The following RBM33 variants were observed in gnomAD, a reference collection of about 807,000 sequenced individuals.
The protein encoded by RBM33 is RNA-binding protein 33.
Under a neutral mutation model 132.6 loss-of-function variants are expected in RBM33, and 28 were observed. That is an observed-to-expected ratio of 0.21 (90% CI 0.16 to 0.29). RBM33 has a LOEUF of 0.29. RBM33 is among the 10% of genes least tolerant of loss of function. RBM33 has a pLI of 1.00. For missense variants in RBM33, 1,291 were observed against 1,518.5 expected (o/e 0.85, Z 2.49); for synonymous variants, 634 against 593.0 (o/e 1.07, Z -1.01).
At chr7:155,761,522 G>C (rs1370060559) in intron 14 of RBM33, among the ~76,000 whole-genome samples, 1 of 152,094 alleles carries the variant, frequency 6.6e-6, no homozygotes, top group Non-Finnish European at 1.5e-5. Context: ...GTCAGTTTTG[G>C]TACTTGTGTC....
intron 5 of RBM33, among the ~76,000 whole-genome samples, chr7:155,684,028 G>C (rs1563142748): frequency 6.6e-6 from 1 of 152,166 alleles, no homozygotes; most frequent in African/African-American, 2.4e-5. Context: ...TTGTTATTCT[G>C]ATAGGACGCT....
chr7:155,764,309 G>A (rs1032846664), intron 15 of RBM33, among the ~76,000 whole-genome samples: 4 of 150,322 alleles, frequency 2.7e-5, no homozygotes, highest in Admixed American at 1.3e-4. Flanking sequence ...CTGTGCTCTC[G>A]GGACAGCGCC....
chr7:155,711,225 C>T lies in RBM33; in HGVS notation c.971C>T (p.Pro324Leu). The change falls in exon 8 of 18, where the codon CCA becomes CTA. Residue 324 changes from proline to leucine, a missense_variant. Coordinates refer to ENST00000401878, the MANE Select transcript of RBM33 (RefSeq NM_053043.3). ...CAGCCCCAGGCTCCCCCTCCACCGC[C>T]ACCGCCGCCTCAGCAGCAGCCGATC... ...PVVPQAPPPP[P>L]PPPQQQPIRS... The T allele has an allele frequency of 6.3e-7, 1 of 1,583,392 alleles. No homozygotes were observed. The highest frequency in any genetic ancestry group is 8.6e-7 in the Non-Finnish European group (1 of 1,164,296).
intron 1 of RBM33, among the ~76,000 whole-genome samples, chr7:155,662,737 A>G (rs1798686394): frequency 6.6e-6 from 1 of 151,930 alleles, no homozygotes; most frequent in South Asian, 2.1e-4. Context: ...CATGAGTGGG[A>G]CCTGAGTGGA....
At chr7:155,720,748 T>C (rs1800598520) in intron 9 of RBM33, among the ~76,000 whole-genome samples, 1 of 152,128 alleles carries the variant, frequency 6.6e-6, no homozygotes, top group African/African-American at 2.4e-5. Flanking sequence ...CGTCTGGAGA[T>C]TTCTTATTGG....
Position 155,764,085 on chromosome 7 carries a change from T to C in RBM33, c.3186+67T>C, listed in dbSNP as rs1335264338. The C allele has an allele frequency of 2.4e-6, 3 of 1,258,096 alleles. No individual in the cohort carries two copies. In the Admixed American group the frequency reaches 8.5e-5, roughly 36 times the overall value. The allele number at this position is 1,258,096 out of a possible 1,614,324, so 77.9% of individuals were successfully genotyped here. Reference sequence around the variant, plus strand: ...GCCGGTGTGAGGCAGTGTTCAGACGTGCTCTAATTTGTAGCGCATGGCACA... The same window carrying C: ...GCCGGTGTGAGGCAGTGTTCAGACGCGCTCTAATTTGTAGCGCATGGCACA... On this transcript the variant is annotated intron_variant, in intron 15 of 17. Transcript: ENST00000401878.
intron 9 of RBM33, among the ~76,000 whole-genome samples, chr7:155,724,153 A>G (rs948546633): frequency 1.3e-5 from 2 of 151,766 alleles, no homozygotes; most frequent in Non-Finnish European, 2.9e-5. Context: ...TTTTCTTTTA[A>G]TATTTAATTT....
chr7:155,648,966 A>C (rs2116862627), intron 1 of RBM33, among the ~76,000 whole-genome samples: 1 of 152,322 alleles, frequency 6.6e-6, no homozygotes, highest in Non-Finnish European at 1.5e-5. Context: ...TAGTGTGATC[A>C]TAATGTGTTT....
chr7:155,692,177 A>T (rs1799663227), intron 5 of RBM33, among the ~76,000 whole-genome samples: 1 of 152,180 alleles, frequency 6.6e-6, no homozygotes, highest in Non-Finnish European at 1.5e-5. Context: ...CAAATGAACA[A>T]TAGGTGTATG....
chr7:155,723,694 G>A (rs933969476), intron 9 of RBM33, among the ~76,000 whole-genome samples: 7 of 152,178 alleles, frequency 4.6e-5, no homozygotes, highest in South Asian at 2.1e-4. Flanking sequence ...ATAGAGATAG[G>A]GCTGGGTTCA....
chr7:155,747,107 A>G (rs1585523077), intron 14 of RBM33, among the ~76,000 whole-genome samples: 2 of 152,208 alleles, frequency 1.3e-5, no homozygotes, highest in South Asian at 2.1e-4. Context: ...TAGAAGTTCC[A>G]TATGTAGACT....
intron 3 of RBM33, among the ~76,000 whole-genome samples, chr7:155,673,768 G>GCACACACC (rs1799067013): frequency 7.5e-6 from 1 of 132,962 alleles, no homozygotes. Flanking sequence ...GCGCATGCGC[G>GCACACACC]CACACACACA....
At chr7:155,673,798 ACAC>A (rs1799075497) in intron 3 of RBM33, among the ~76,000 whole-genome samples, 1 of 144,002 alleles carries the variant, frequency 6.9e-6, no homozygotes, top group African/African-American at 2.8e-5. Context: ...ACACACACAC[ACAC>A]CCCTACCAGT....
intron 9 of RBM33, among the ~76,000 whole-genome samples, chr7:155,734,402 G>A (rs1449335330): frequency 6.6e-6 from 1 of 152,140 alleles, no homozygotes; most frequent in East Asian, 1.9e-4. Flanking sequence ...CATGAAGAGA[G>A]CTATCATAAC....
chr7:155,673,943 T>TTGTTGTTTTTTTG (rs1563138289), intron 3 of RBM33, among the ~76,000 whole-genome samples: 13 of 17,338 alleles, frequency 7.5e-4, no homozygotes, highest in African/African-American at 3.2e-3. Context: ...AGGCTTAGTT[T>TTGTTGTTTTTTTG]TTTTTTTTTT....
intron 14 of RBM33, among the ~76,000 whole-genome samples, chr7:155,754,524 G>A (rs1178948512): frequency 1.3e-5 from 2 of 152,200 alleles, no homozygotes; most frequent in African/African-American, 4.8e-5. Context: ...ATCTGGAGGT[G>A]CCTGGCTTAC....
chr7:155,665,087 C>A, intron 1 of RBM33, 88 bp from the exon 2 acceptor site: 3 of 1,037,920 alleles, frequency 2.9e-6, no homozygotes, highest in Admixed American at 1.9e-5. Context: ...AGTCAGGAAT[C>A]CTTAAAAAAG....
At chr7:155,651,186 C>T (rs942939820) in intron 1 of RBM33, among the ~76,000 whole-genome samples, 2 of 152,088 alleles carry the variant, frequency 1.3e-5, no homozygotes, top group South Asian at 4.2e-4. Flanking sequence ...CCGACAGCTT[C>T]TTGAGTGTGT....
chr7:155,684,980 G>A lies in RBM33; in HGVS notation c.567+4072G>A, dbSNP rs758498431. 6.4e-6 allele frequency: 10 copies of A among 1,550,578 alleles called. No individual in the cohort carries two copies. The South Asian group carries it at 1.1e-4, about 17-fold the overall frequency. On this transcript the variant is annotated intron_variant, in intron 5 of 17. Coordinates refer to ENST00000401878, the MANE Select transcript of RBM33 (RefSeq NM_053043.3). ...ATGGTGGGCAACAAGGGCTGCAAGA[G>A]CAGGAAGACTGTGTGGCTGAAGATG...
Sources: allele counts gnomAD v4.1 joint callset (sites outside exome capture counted in the v4.1 genomes callset), GRCh38; gene constraint gnomAD v4.1.1; transcripts MANE v1.5; gene names NCBI Gene and HGNC (gene_info 2026-07-23, HGNC 2026-07-21).